Variants in ZZEF1 observed in about 807,000 individuals in gnomAD.
The protein encoded by ZZEF1 is zinc finger ZZ-type and EF-hand domain containing 1.
Under a neutral mutation model 342.8 loss-of-function variants are expected in ZZEF1, and 157 were observed. The ratio of observed to expected loss-of-function variants is 0.46; its 90% CI spans 0.40 to 0.52. The LOEUF is 0.52. ZZEF1 is among the 20% of genes least tolerant of loss of function. The pLI, the probability that ZZEF1 is intolerant of heterozygous loss-of-function variation, is 0.00. For missense variants in ZZEF1, 3,480 were observed against 3,725.6 expected, an observed-to-expected ratio of 0.93 and a Z score of 1.72; for synonymous variants, 1,505 against 1,429.1, an observed-to-expected ratio of 1.05 and a Z score of -1.20.
chr17:4,027,594 C>CTTT (rs35210596), intron 42 of ZZEF1, among the ~76,000 whole-genome samples: 6,776 of 119,618 alleles, frequency 0.057, 278 homozygotes, highest in South Asian at 0.1. Context: ...TGTGCCCTGC[C>CTTT]TTTTTTTTTT....
At chr17:4,119,021 C>G (rs1202623108) in intron 2 of ZZEF1, among the ~76,000 whole-genome samples, 1 of 152,152 alleles carries the variant, frequency 6.6e-6, no homozygotes, top group African/African-American at 2.4e-5. Flanking sequence ...AGTTGATGTA[C>G]CTGAGGTAAG....
At chr17:4,129,012 C>T (rs183619063) in intron 1 of ZZEF1, among the ~76,000 whole-genome samples, 107 of 152,058 alleles carry the variant, frequency 7.0e-4, no homozygotes, top group African/African-American at 2.5e-3. Context: ...TGTGATCTGC[C>T]CACCTCGGCC....
intron 54 of ZZEF1, among the ~76,000 whole-genome samples, chr17:4,007,473 C>T (rs559549403): frequency 6.6e-6 from 1 of 152,076 alleles, no homozygotes; most frequent in African/African-American, 2.4e-5. Context: ...CAGGGAGAAA[C>T]GTCAGGACAC....
At chr17:4,123,680 A>G (rs1215158446) in intron 2 of ZZEF1, among the ~76,000 whole-genome samples, 2 of 152,154 alleles carry the variant, frequency 1.3e-5, no homozygotes, top group African/African-American at 2.4e-5. Context: ...TCCAATAAGG[A>G]AAGCGGCCAC....
In ZZEF1 at chr17:4,011,013, C is replaced by T. The variant is rs558658635; in HGVS notation, c.8580-1256G>A. ...CTGAGGTGGAAGGATCACTTGAGCC[C>T]AAGAGTTCACAGCTGCAGTGGCTAT... On this transcript the variant is annotated intron_variant, in intron 52 of 54. Coordinates refer to ENST00000381638, the MANE Select transcript of ZZEF1 (RefSeq NM_015113.4). Among the ~76,000 whole-genome samples, 498 of 151,594 alleles carry T rather than the reference C, an allele frequency of 3.3e-3. 1 individual carries two copies. The highest frequency in any genetic ancestry group is 5.1e-3 in the Non-Finnish European group (343 of 67,918).
chr17:4,074,318 A>C lies in ZZEF1; in HGVS notation c.3517T>G (p.Phe1173Val). 2 of 1,614,178 alleles carry C rather than the reference A, an allele frequency of 1.2e-6. No individual in the cohort carries two copies. Among genetic ancestry groups the C allele is most frequent in the Non-Finnish European group, 1.7e-6 (2 of 1,180,034 alleles). ...TGACTGCTGTCAGAGTGAAAGAGGA[A>C]CTGCAACCGAGGACCGGCCTTGAAG... is the stretch of plus-strand genomic sequence containing the variant. ...VTFKAGPRLQFLFHSDSSHNE... is the reference protein window; with the variant it reads ...VTFKAGPRLQVLFHSDSSHNE... Residue 1173 changes from phenylalanine to valine, a missense_variant, in exon 24 of 55, where the codon TTC (phenylalanine) becomes GTC (valine). This residue lies in a region of ZZEF1 where 1,528 missense variants were observed against 1,624.1 expected (regional missense o/e 0.94). Transcript: ENST00000381638.
At position 4,082,553 on chromosome 17, in the gene ZZEF1, T is replaced by C; in HGVS notation, c.2647-49A>G. On this transcript the variant is annotated intron_variant, in intron 16 of 54. Transcript: ENST00000381638. ...TATTCAGAAAATCTAGTCCATGACA[T>C]TCCAGAGACCTAGAGCGGCAATGAA... is the stretch of plus-strand genomic sequence containing the variant. 1.9e-6 allele frequency: 3 copies of C among 1,574,520 alleles called. No individual in the cohort carries two copies. The South Asian group carries it at 3.4e-5, about 18-fold the overall frequency.
At chr17:4,084,302 T>C (rs572350153) in intron 16 of ZZEF1, among the ~76,000 whole-genome samples, 2 of 152,342 alleles carry the variant, frequency 1.3e-5, no homozygotes, top group South Asian at 4.1e-4. Context: ...AGTGATTTTT[T>C]TTTTTCCTCT....
At chr17:4,081,614 T>C in intron 17 of ZZEF1, 124 bp from the exon 18 acceptor site, 1 of 789,014 alleles carries the variant, frequency 1.3e-6, no homozygotes, top group South Asian at 1.7e-5. Flanking sequence ...GGGAGGAGTT[T>C]GGGTCAGGAA....
chr17:4,060,914 T>C (rs182946735), intron 30 of ZZEF1, among the ~76,000 whole-genome samples: 3 of 152,250 alleles, frequency 2.0e-5, no homozygotes, highest in Non-Finnish European at 4.4e-5. Context: ...TTATCCCCTC[T>C]CTTCCTGCAC....
intron 1 of ZZEF1, among the ~76,000 whole-genome samples, chr17:4,132,927 C>T (rs986286146): frequency 2.6e-5 from 4 of 152,152 alleles, no homozygotes; most frequent in East Asian, 1.9e-4. Context: ...GATCACGCCA[C>T]TGCAGTCCAG....
At chr17:4,099,543 ATTTTT>A (rs35639314) in intron 9 of ZZEF1, among the ~76,000 whole-genome samples, 3 of 131,924 alleles carry the variant, frequency 2.3e-5, no homozygotes, top group Non-Finnish European at 4.9e-5. Context: ...TTTGACTGTG[ATTTTT>A]TTTTTTTTTT....
intron 54 of ZZEF1, among the ~76,000 whole-genome samples, chr17:4,007,638 G>T (rs1342502675): frequency 6.6e-6 from 1 of 152,202 alleles, no homozygotes; most frequent in African/African-American, 2.4e-5. Context: ...TTCGTTACAT[G>T]ATGTGATGAA....
chr17:4,015,191 G>A (rs2056068411), intron 49 of ZZEF1, among the ~76,000 whole-genome samples: 1 of 152,316 alleles, frequency 6.6e-6, no homozygotes, highest in Middle Eastern at 3.4e-3. Flanking sequence ...GGTGTCCAGG[G>A]TCAGTGGAGA....
At chr17:4,094,867 C>G (rs1266938215) in intron 11 of ZZEF1, among the ~76,000 whole-genome samples, 1 of 152,146 alleles carries the variant, frequency 6.6e-6, no homozygotes, top group Non-Finnish European at 1.5e-5. Context: ...AAGTGACAAC[C>G]TCCTCCCAGC....
intron 42 of ZZEF1, among the ~76,000 whole-genome samples, chr17:4,028,976 G>A (rs2145033194): frequency 6.6e-6 from 1 of 152,298 alleles, no homozygotes; most frequent in Middle Eastern, 3.4e-3. Context: ...GATAAAAAAG[G>A]GACATTTCAT....
intron 38 of ZZEF1, 73 bp from the exon 39 acceptor site, chr17:4,042,641 C>T: frequency 2.1e-6 from 3 of 1,444,092 alleles, no homozygotes; most frequent in Admixed American, 2.1e-5. Flanking sequence ...AACCACTGCA[C>T]TGTCCCCTGT....
At chr17:4,024,186 GTTTTTTTTTTTT>G (rs754985234) in intron 43 of ZZEF1, among the ~76,000 whole-genome samples, 9 of 94,408 alleles carry the variant, frequency 9.5e-5, no homozygotes, top group South Asian at 3.8e-4. Flanking sequence ...TATTGCCCAG[GTTTTTTTTTTTT>G]TTTTTTTTTT....
chr17:4,088,034 C>T (rs370195243), intron 13 of ZZEF1, among the ~76,000 whole-genome samples: 1 of 152,104 alleles, frequency 6.6e-6, no homozygotes, highest in African/African-American at 2.4e-5. Flanking sequence ...ATAACGAAGA[C>T]CAAACAAACC....
Sources: allele counts gnomAD v4.1 joint callset (sites outside exome capture counted in the v4.1 genomes callset), GRCh38; gene constraint gnomAD v4.1.1; regional missense constraint gnomAD v4.1.1; transcripts MANE v1.5; gene names NCBI Gene and HGNC (gene_info 2026-07-23, HGNC 2026-07-21).